The following CAPG variants were observed in gnomAD, a reference collection of about 807,000 sequenced individuals.
CAPG encodes the protein capping actin protein, gelsolin like.
CAPG carries 32 observed loss-of-function variants against 44.6 expected under a neutral mutation model. That is an observed-to-expected ratio of 0.72 (90% CI 0.54 to 0.96). The LOEUF (loss-of-function observed/expected upper bound fraction) is 0.96, where lower values mean the gene tolerates loss of function less well. CAPG is among the 50% of genes least tolerant of loss of function. The probability of loss-of-function intolerance (pLI) is 0.00; values close to 1 mark genes in which losing one functional copy is unlikely to be tolerated. For missense variants in CAPG, 412 were observed against 438.3 expected, an observed-to-expected ratio of 0.94 and a Z score of 0.54; for synonymous variants, 175 against 179.6, an observed-to-expected ratio of 0.97 and a Z score of 0.20.
At chr2:85,394,644 G>C, downstream of CAPG, 1 of 556,678 alleles carries the variant, frequency 1.8e-6, no homozygotes. Flanking sequence ...AGCAGCTCTG[G>C]CCCCTCCAAG....
chr2:85,407,356 A>T (rs1021201118), intron 1 of CAPG, among the ~76,000 whole-genome samples: 20 of 152,118 alleles, frequency 1.3e-4, no homozygotes, highest in Admixed American at 7.2e-4. Context: ...GTGCCAGTGA[A>T]TTCTGTCCAG....
Position 85,395,861 on chromosome 2 carries a change from G to C in CAPG, c.893-235C>G. 1 of 528,190 alleles carries C rather than the reference G, an allele frequency of 1.9e-6. No individual in the cohort carries two copies. The highest frequency in any genetic ancestry group is 3.4e-6 in the Non-Finnish European group (1 of 291,638). 32.7% of individuals were successfully genotyped at this position (528,190 alleles called of 1,614,324 possible). ...GAAAACCCCTCGTCTGCCCGGGTCT[G>C]ATCATGCAAAACTCTGCTCTGACCT... On this transcript the variant is annotated intron_variant, in intron 8 of 9. Transcript: ENST00000263867. This position sits in a 1 kb window ranked among gnomAD's most constrained non-coding sequence, Gnocchi z 4.3.
chr2:85,393,702 T>C (rs1686468537), downstream of CAPG, among the ~76,000 whole-genome samples: 1 of 152,154 alleles, frequency 6.6e-6, no homozygotes, highest in African/African-American at 2.4e-5. Context: ...GTAGCTGAGA[T>C]TACAGGCATG....
downstream of CAPG, chr2:85,391,658 A>G (rs958274996): frequency 1.3e-5 from 2 of 152,748 alleles, no homozygotes; most frequent in Non-Finnish European, 2.9e-5. Context: ...CCTCCTGTAG[A>G]TGCTGTGCAT....
At chr2:85,400,473 T>C (rs1461415684) in intron 5 of CAPG, among the ~76,000 whole-genome samples, 1 of 152,050 alleles carries the variant, frequency 6.6e-6, no homozygotes, top group African/African-American at 2.4e-5. Context: ...CCAGCCAATC[T>C]CCTCATGACC....
rs1686756201 is a variant in CAPG at position 85,399,172 on chromosome 2, A to T, written c.630T>A (p.Ile210=). Residue 210 remains isoleucine, a synonymous_variant, in exon 6 of 10, where the codon ATT becomes ATA. Coordinates refer to ENST00000263867, the MANE Select transcript of CAPG (RefSeq NM_001747.4). ...SERQGKAQVE[I]VTDGEEPAEM... ...CAGCAGGCTCCTCCCCATCAGTGACAATCTCCACCTGGGCCTTGCCCTGTC... is the reference window on the plus strand; with the variant it reads ...CAGCAGGCTCCTCCCCATCAGTGACTATCTCCACCTGGGCCTTGCCCTGTC... 4 of 1,614,150 alleles carry T rather than the reference A, an allele frequency of 2.5e-6. No individual in the cohort carries two copies. The highest frequency in any genetic ancestry group is 3.4e-6 in the Non-Finnish European group (4 of 1,179,990).
chr2:85,392,844 G>A (rs1686434958), downstream of CAPG, among the ~76,000 whole-genome samples: 2 of 152,284 alleles, frequency 1.3e-5, no homozygotes, highest in South Asian at 2.1e-4. Context: ...GGAGTATCAG[G>A]TTGGGTGATT....
At chr2:85,416,533 C>G (rs958457042) in intron 1 of CAPG, among the ~76,000 whole-genome samples, 2 of 151,898 alleles carry the variant, frequency 1.3e-5, no homozygotes, top group Non-Finnish European at 2.9e-5. Context: ...TTTTTCGAGA[C>G]AGAGTCTCAC....
downstream of CAPG, chr2:85,391,814 A>G (rs993355328): frequency 6.6e-6 from 1 of 152,600 alleles, no homozygotes; most frequent in Non-Finnish European, 1.5e-5. Flanking sequence ...GTCATTCCGG[A>G]ACCTGGTTAG....
intron 1 of CAPG, among the ~76,000 whole-genome samples, chr2:85,417,978 T>C (rs77129791): frequency 0.059 from 8,989 of 152,174 alleles, 388 homozygotes; most frequent in Middle Eastern, 0.085. Context: ...GGGTGGACCA[T>C]AGGTTTTCTT....
In CAPG at chr2:85,395,532, C is replaced by T. The variant is rs1425748976; in HGVS notation, c.981+6G>A. 1.9e-6 allele frequency: 3 copies of T among 1,612,062 alleles called. No individual in the cohort carries two copies. Among genetic ancestry groups the T allele is most frequent in the Non-Finnish European group, 2.5e-6 (3 of 1,178,716 alleles). On this transcript the variant is annotated splice_donor_region_variant and intron_variant, in intron 9 of 9. Coordinates refer to ENST00000263867, the MANE Select transcript of CAPG (RefSeq NM_001747.4). This position sits in a 1 kb window ranked among gnomAD's most constrained non-coding sequence, Gnocchi z 4.3. ...AAGAGGGCTGTGGTTGTGCGCATCT[C>T]CTCACCTGAGTGTTCGGGGCGTACT...
chr2:85,412,284 G>A (rs1687437660), upstream of CAPG, among the ~76,000 whole-genome samples: 1 of 152,048 alleles, frequency 6.6e-6, no homozygotes, highest in African/African-American at 2.4e-5. Context: ...AGGCCAAGGC[G>A]GGTGGATCAT....
At chr2:85,413,491 A>C (rs1687476360), upstream of CAPG, among the ~76,000 whole-genome samples, 1 of 152,156 alleles carries the variant, frequency 6.6e-6, no homozygotes, top group Admixed American at 6.5e-5. Context: ...AAGGCAGGAG[A>C]ATCGCTTGAA....
intron 4 of CAPG, 43 bp downstream of exon 4, chr2:85,401,486 G>A (rs1158501823): frequency 6.2e-7 from 1 of 1,608,110 alleles, no homozygotes; most frequent in Non-Finnish European, 8.5e-7. Flanking sequence ...GGCTGGCTCT[G>A]AGGGAAGCTG....
chr2:85,396,700 T>G (rs912905287), intron 8 of CAPG, among the ~76,000 whole-genome samples: 2 of 152,126 alleles, frequency 1.3e-5, no homozygotes, highest in African/African-American at 4.8e-5. Context: ...ATTGGTTCCA[T>G]GGGATATGTG....
chr2:85,404,638 C>T (rs1687062092), intron 1 of CAPG, among the ~76,000 whole-genome samples: 1 of 151,904 alleles, frequency 6.6e-6, no homozygotes, highest in African/African-American at 2.4e-5. Flanking sequence ...ATCCCAGCTA[C>T]TTGGGAGGCT....
chr2:85,416,227 C>A (rs187632592), intron 1 of CAPG, among the ~76,000 whole-genome samples: 1 of 152,088 alleles, frequency 6.6e-6, no homozygotes, highest in East Asian at 1.9e-4. Flanking sequence ...CCCATAAACT[C>A]GGGGTATGGA....
downstream of CAPG, among the ~76,000 whole-genome samples, chr2:85,392,562 G>T (rs1686425826): frequency 6.6e-6 from 1 of 152,154 alleles, no homozygotes; most frequent in South Asian, 2.1e-4. Flanking sequence ...ACTGCAGGGG[G>T]AAACATCACA....
chr2:85,410,914 G>C (rs1167664340), upstream of CAPG, among the ~76,000 whole-genome samples: 1 of 150,058 alleles, frequency 6.7e-6, no homozygotes, highest in East Asian at 2.0e-4. Context: ...AAGCTGGAGT[G>C]CCGTGGCATT....
Sources: gnomAD v4.1 joint callset for allele counts (sites outside exome capture counted in the v4.1 genomes callset) on GRCh38, gnomAD v4.1.1 for gene constraint, Gnocchi (gnomAD v3.1) non-coding constraint, MANE v1.5 for transcripts, NCBI Gene and HGNC (gene_info 2026-07-23, HGNC 2026-07-21) for gene names.